The following PLCG2 variants were observed in gnomAD, a reference collection of about 807,000 sequenced individuals.
PLCG2 encodes the protein 1-phosphatidylinositol 4,5-bisphosphate phosphodiesterase gamma-2.
PLCG2 carries 69 observed loss-of-function variants against 175.6 expected under a neutral mutation model. That is an observed-to-expected ratio of 0.39 (90% CI 0.32 to 0.48). The LOEUF (loss-of-function observed/expected upper bound fraction) is 0.48, where lower values mean the gene tolerates loss of function less well. Ranked by LOEUF, PLCG2 falls within the 20% of genes least tolerant of loss-of-function variation. PLCG2 has a pLI of 0.91. For missense variants in PLCG2, 1,798 were observed against 1,650.9 expected (o/e 1.09, Z -1.54); for synonymous variants, 827 against 624.0 (o/e 1.33, Z -4.85).
chr16:81,876,462 C>A (rs569939287), intron 7 of PLCG2, among the ~76,000 whole-genome samples: 9 of 152,278 alleles, frequency 5.9e-5, no homozygotes, highest in African/African-American at 2.2e-4. Context: ...AACTCCATTC[C>A]TTTCCCTCCC....
intron 2 of PLCG2, among the ~76,000 whole-genome samples, chr16:81,838,464 A>G (rs961336675): frequency 1.3e-5 from 2 of 152,026 alleles, no homozygotes; most frequent in Admixed American, 6.6e-5. Context: ...TTGCAGGGAC[A>G]TGGATGAAGC....
intron 2 of PLCG2, among the ~76,000 whole-genome samples, chr16:81,804,043 CAT>C (rs1314527210): frequency 3.9e-5 from 6 of 152,206 alleles, no homozygotes; most frequent in South Asian, 2.1e-4. Context: ...TGTGTGAACA[CAT>C]GTTTCCATTT....
rs1910624909 is a variant in PLCG2 at position 81,779,363 on chromosome 16, C to T, written c.-109C>T. ...CCCGAGTCGGGACGCGGGCTGCGCG[C>T]GCGGGACCCCGGAGCCCAAACCCGG... On this transcript the variant is annotated 5_prime_UTR_variant, in exon 1 of 33. Transcript: ENST00000564138. The T allele has an allele frequency of 6.6e-6, 1 of 150,928 alleles. No individual in the cohort carries two copies. Among genetic ancestry groups the T allele is most frequent in the Non-Finnish European group, 1.5e-5 (1 of 67,632 alleles). 9.3% of individuals were successfully genotyped at this position (150,928 alleles called of 1,614,324 possible).
chr16:81,880,554 T>C (rs755674018), intron 7 of PLCG2, among the ~76,000 whole-genome samples: 5 of 145,466 alleles, frequency 3.4e-5, no homozygotes, highest in Non-Finnish European at 7.7e-5. Context: ...TGCAGAATAA[T>C]ATGTAAAGCT....
chr16:81,907,055 A>C (rs997692405), intron 15 of PLCG2, among the ~76,000 whole-genome samples: 48 of 147,526 alleles, frequency 3.3e-4, no homozygotes, highest in Admixed American at 2.6e-3. Flanking sequence ...AAAAAAAAAA[A>C]CAGTGCAGCA....
intron 2 of PLCG2, among the ~76,000 whole-genome samples, chr16:81,799,208 G>A (rs80084509): frequency 0.071 from 10,787 of 152,232 alleles, 470 homozygotes; most frequent in Non-Finnish European, 0.1. Context: ...TTCTGGGTGA[G>A]AAAAACAACC....
intron 15 of PLCG2, 66 bp downstream of exon 15, chr16:81,905,573 G>T (rs1909333808): frequency 6.8e-6 from 7 of 1,032,198 alleles, no homozygotes; most frequent in Non-Finnish European, 9.1e-6. Context: ...TTGGAGCCCT[G>T]CTGGGAGCTC....
intron 16 of PLCG2, among the ~76,000 whole-genome samples, chr16:81,907,978 G>A (rs1005445786): frequency 2.0e-5 from 3 of 152,142 alleles, no homozygotes; most frequent in Admixed American, 2.0e-4. Flanking sequence ...TAACCAGTGA[G>A]GTTCAAGATG....
At chr16:81,817,485 G>C (rs1904603211) in intron 2 of PLCG2, among the ~76,000 whole-genome samples, 1 of 152,194 alleles carries the variant, frequency 6.6e-6, no homozygotes, top group Admixed American at 6.5e-5. Context: ...AAGGCACTAG[G>C]GTGGTTTTAA....
chr16:81,891,320 A>T, intron 10 of PLCG2, 152 bp from the exon 11 acceptor site: 1 of 634,800 alleles, frequency 1.6e-6, no homozygotes, highest in South Asian at 1.8e-5. Context: ...AGCCTTCGGT[A>T]TTGAAAACGT....
At position 81,786,215 on chromosome 16, in the gene PLCG2, G is replaced by A. The variant is rs4294811; in HGVS notation, c.193+33G>A. On this transcript the variant is annotated intron_variant, in intron 2 of 32. Transcript: ENST00000564138. Reference sequence around the variant, plus strand: ...CTCGCTGGGTGGGGCAGTGTGGCCCGTCCTCTGGGGCCCTGGCCTGAGCAC... The same window carrying A: ...CTCGCTGGGTGGGGCAGTGTGGCCCATCCTCTGGGGCCCTGGCCTGAGCAC... The A allele has an allele frequency of 0.27, 419,352 of 1,582,348 alleles. 59,201 individuals carry two copies. Among genetic ancestry groups the A allele is most frequent in the East Asian group, 0.55 (24,709 of 44,538 alleles).
chr16:81,833,340 C>T (rs1905347115), intron 2 of PLCG2, among the ~76,000 whole-genome samples: 1 of 152,082 alleles, frequency 6.6e-6, no homozygotes, highest in African/African-American at 2.4e-5. Flanking sequence ...GTCCACACCC[C>T]CAGGGTCCTT....
chr16:81,756,308 T>C lies in PLCG2; in HGVS notation c.-48+342T>C, dbSNP rs562471206. ...AGGAGTATGCTGCTATGCCGGGCTA[T>C]TATTGTCAGTATTCACTGAGTGCAT... On this transcript the variant is annotated intron_variant, in intron 2 of 5. Coordinates refer to the PLCG2 transcript ENST00000565054. 3.3e-4 allele frequency among the ~76,000 whole-genome samples: 50 copies of C among 152,344 alleles called. No homozygotes were observed. The South Asian group carries it at 7.5e-3, about 23-fold the overall frequency.
chr16:81,924,105 A>T (rs1910166416), intron 22 of PLCG2, among the ~76,000 whole-genome samples: 1 of 152,236 alleles, frequency 6.6e-6, no homozygotes, highest in Admixed American at 6.5e-5. Context: ...CACATCCTGA[A>T]TTGAAGACAA....
intron 2 of PLCG2, among the ~76,000 whole-genome samples, chr16:81,819,145 G>A (rs910116401): frequency 6.6e-6 from 1 of 152,040 alleles, no homozygotes; most frequent in Non-Finnish European, 1.5e-5. Flanking sequence ...GTGGGGTTCA[G>A]TGGAGGTTGG....
chr16:81,897,877 T>C (rs1004682654), intron 13 of PLCG2: 2 of 455,820 alleles, frequency 4.4e-6, no homozygotes, highest in Admixed American at 2.4e-5. Context: ...TTACTGCAGA[T>C]GTCCCTTGAG....
Position 81,825,283 on chromosome 16 carries a change from ATTTTTTT to A in PLCG2, c.194-29144_194-29138del, listed in dbSNP as rs577002663. On this transcript the variant is annotated intron_variant, in intron 2 of 32. Transcript: ENST00000564138. ...AAATTAGATCTGAAGAGATGCTCTA[ATTTTTTT>A]TTTTTTTTTTTTTTTTGAGACAGAG... is the stretch of plus-strand genomic sequence containing the variant. Among the ~76,000 whole-genome samples the A allele has an allele frequency of 6.0e-5, 7 of 115,898 alleles. No individual in the cohort carries two copies. The East Asian group carries it at 9.6e-4, about 16-fold the overall frequency. 76.0% of individuals were successfully genotyped at this position (115,898 alleles called of 152,430 possible).
intron 2 of PLCG2, among the ~76,000 whole-genome samples, chr16:81,770,918 C>T (rs879283896): frequency 2.6e-5 from 4 of 151,700 alleles, no homozygotes; most frequent in East Asian, 1.9e-4. Flanking sequence ...ATTAGCTGGG[C>T]GTGGTTGCAG....
chr16:81,751,785 G>A (rs1034080670), intron 1 of PLCG2, among the ~76,000 whole-genome samples: 1 of 152,174 alleles, frequency 6.6e-6, no homozygotes, highest in African/African-American at 2.4e-5. Flanking sequence ...CCTTTGGGAA[G>A]TCACGGTGGG....
Sources: allele counts gnomAD v4.1 joint callset (sites outside exome capture counted in the v4.1 genomes callset), GRCh38; gene constraint gnomAD v4.1.1; transcripts MANE v1.5; gene names NCBI Gene and HGNC (gene_info 2026-07-23, HGNC 2026-07-21).